The following F8 variants were observed in gnomAD, a reference collection of about 807,000 sequenced individuals.
The protein encoded by F8 is coagulation factor VIII.
F8 carries 12 observed loss-of-function variants against 140.6 expected under a neutral mutation model. The ratio of observed to expected loss-of-function variants is 0.09; its 90% CI spans 0.05 to 0.14. The LOEUF is 0.14. Among genes scored for constraint, F8 ranks in the 10% least tolerant of loss-of-function variants. F8 has a pLI of 1.00. For synonymous variants in F8, 585 were observed against 614.6 expected (o/e 0.95, Z 0.71); for missense variants, 1,354 against 1,720.7 (o/e 0.79, Z 3.77).
intron 13 of F8, among the ~76,000 whole-genome samples, chrX:154,945,944 A>T (rs934785317): frequency 1.8e-5 from 2 of 112,146 alleles, no homozygotes; most frequent in Non-Finnish European, 3.8e-5. Flanking sequence ...TCTATATACC[A>T]AGAGCTAACA....
chrX:154,902,352 C>A (rs2073014706), intron 18 of F8, among the ~76,000 whole-genome samples, 185 bp from the exon 19 acceptor site: 1 of 111,472 alleles, frequency 9.0e-6, no homozygotes, highest in Non-Finnish European at 1.9e-5. Flanking sequence ...AGATTGAGTT[C>A]TGACCACTCC....
chrX:154,972,526 T>C (rs972266861), intron 6 of F8, among the ~76,000 whole-genome samples: 27 of 110,933 alleles, frequency 2.4e-4, no homozygotes, highest in African/African-American at 7.2e-4. Context: ...TCTAGTTTGA[T>C]GTAATCCAAT....
At chrX:154,985,604 C>T (rs782538479) in intron 5 of F8, among the ~76,000 whole-genome samples, 49 of 112,152 alleles carry the variant, frequency 4.4e-4, no homozygotes, top group Non-Finnish European at 7.9e-4. Flanking sequence ...ACTGGAAATA[C>T]TATTGAACAG....
intron 10 of F8, among the ~76,000 whole-genome samples, chrX:154,959,117 T>C (rs1229805789): frequency 1.8e-5 from 2 of 111,861 alleles, no homozygotes; most frequent in African/African-American, 6.5e-5. Flanking sequence ...AAGAAAAAGA[T>C]TTGGTTCCAG....
intron 22 of F8, among the ~76,000 whole-genome samples, chrX:154,878,567 C>T (rs2072836870): frequency 9.1e-6 from 1 of 110,452 alleles, no homozygotes; most frequent in African/African-American, 3.3e-5. Flanking sequence ...ATTTCCCTAA[C>T]ATTAGAAACG....
rs146581224 is a variant in F8 at position 154,966,633 on chromosome X, C to T, written c.1064G>A (p.Arg355Gln). 154 of 1,209,308 alleles carry T rather than the reference C, an allele frequency of 1.3e-4. No individual in the cohort carries two copies. The highest frequency in any genetic ancestry group is 1.6e-4 in the Non-Finnish European group (139 of 894,813). Reference protein sequence around the residue: ...VDSCPEEPQLRMKNNEEAEDY... With the variant: ...VDSCPEEPQLQMKNNEEAEDY... ...TTCCGCTTCTTCATTATTTTTCATT[C>T]GTAGTTGGGGTTCCTCTGGACAGCT... Residue 355 changes from arginine (R) to glutamine (Q), a missense_variant, in exon 8 of 26, where the codon CGA (arginine) becomes CAA (glutamine). This residue lies in a region of F8 where 252 missense variants were observed against 338.5 expected (regional missense o/e 0.74). Transcript: ENST00000360256.
chrX:154,988,074 C>G (rs2073568944), intron 4 of F8, among the ~76,000 whole-genome samples: 1 of 112,003 alleles, frequency 8.9e-6, no homozygotes, highest in Non-Finnish European at 1.9e-5. Flanking sequence ...ATAAAGCTAA[C>G]TGCAGAGTTA....
rs1225973774 is a variant in F8 at position 154,860,101 on chromosome X, G to A, written c.6900+331C>T. The stretch of plus-strand genomic sequence containing the variant: ...GACTTTATGTCATGTCTTTTAATCA[G>A]GACAATTTGTTGAATTATCCAGCAA... On this transcript the variant is annotated intron_variant, in intron 25 of 25. Coordinates refer to ENST00000360256, the MANE Select transcript of F8 (RefSeq NM_000132.4). Among the ~76,000 whole-genome samples, 5 of 111,565 alleles carry A rather than the reference G, an allele frequency of 4.5e-5. No homozygotes were observed. In the Admixed American group the frequency reaches 4.7e-4, roughly 11 times the overall value.
At chrX:154,947,224 G>GAAAA (rs781928603) in intron 13 of F8, among the ~76,000 whole-genome samples, 24 of 17,819 alleles carry the variant, frequency 1.3e-3, no homozygotes, top group East Asian at 5.0e-3. Context: ...GACTCCGTCT[G>GAAAA]AAAAAAAAAA....
chrX:154,963,319 T>C (rs1318450669), intron 9 of F8, among the ~76,000 whole-genome samples: 6 of 112,204 alleles, frequency 5.3e-5, no homozygotes, highest in Admixed American at 1.9e-4. Flanking sequence ...CTTATCAGCT[T>C]AAGGAGATTT....
intron 14 of F8, 82 bp downstream of exon 14, chrX:154,928,489 C>CT (rs782404789): frequency 1.1e-6 from 1 of 874,128 alleles, no homozygotes; most frequent in East Asian, 3.1e-5. Context: ...TTTTCATCCT[C>CT]TAACTCTCAT....
chrX:155,021,112 A>C (rs2073758119), intron 1 of F8, among the ~76,000 whole-genome samples: 1 of 112,279 alleles, frequency 8.9e-6, no homozygotes, highest in Non-Finnish European at 1.9e-5. Context: ...AAAAATAATG[A>C]ATTAAAGCTA....
At chrX:154,942,484 G>C (rs1477950572) in intron 13 of F8, among the ~76,000 whole-genome samples, 2 of 109,794 alleles carry the variant, frequency 1.8e-5, no homozygotes, top group Non-Finnish European at 3.8e-5. Context: ...TTGAATCTCT[G>C]AATAGACCAA....
intron 22 of F8, among the ~76,000 whole-genome samples, chrX:154,869,705 TGAA>T (rs1332135636): frequency 8.1e-5 from 9 of 110,865 alleles, no homozygotes; most frequent in African/African-American, 3.0e-4. Flanking sequence ...AGAGCAGAAC[TGAA>T]GGAGATAGAG....
rs1472065494 is a variant in F8, at chrX:154,845,208, G to C, written c.6901-7456C>G. ...ATTTGGTTTGCCAGTATTTTATTGAGGATTTTTGCATCAATGTTCATCAGG... is the reference window on the plus strand; with the variant it reads ...ATTTGGTTTGCCAGTATTTTATTGACGATTTTTGCATCAATGTTCATCAGG... On this transcript the variant is annotated intron_variant, in intron 25 of 25. Coordinates refer to ENST00000360256, the MANE Select transcript of F8 (RefSeq NM_000132.4). Among the ~76,000 whole-genome samples the C allele has an allele frequency of 1.9e-4, 21 of 111,601 alleles. No homozygotes were observed. In the Admixed American group the frequency reaches 1.9e-3, roughly 10 times the overall value.
At chrX:154,984,304 T>C (rs2073545253) in intron 6 of F8, among the ~76,000 whole-genome samples, 1 of 112,126 alleles carries the variant, frequency 8.9e-6, no homozygotes, top group Non-Finnish European at 1.9e-5. Context: ...TTTATGAAAA[T>C]AGAAGTAAGA....
intron 6 of F8, among the ~76,000 whole-genome samples, chrX:154,972,551 T>C (rs920840029): frequency 9.0e-6 from 1 of 110,963 alleles, no homozygotes; most frequent in Admixed American, 9.6e-5. Context: ...TTATTTTTGC[T>C]TTTGTTACTC....
chrX:154,992,181 G>A (rs189430379), intron 4 of F8, among the ~76,000 whole-genome samples: 102 of 111,470 alleles, frequency 9.2e-4, no homozygotes, highest in African/African-American at 3.1e-3. Flanking sequence ...ACTTAGATAG[G>A]CCACCAAGTC....
At position 154,954,048 on chromosome X, in the gene F8, A is replaced by C. The variant is rs2073351431; in HGVS notation, c.1753-6T>G. On this transcript the variant is annotated splice_polypyrimidine_tract_variant and splice_region_variant and intron_variant, in intron 11 of 25. Transcript: ENST00000360256. Reference sequence around the variant, plus strand: ...TTCCTCTTGTCTGACATTATCTGTTAATTACATATATTGAAAGGGGTAAAG... The same window carrying C: ...TTCCTCTTGTCTGACATTATCTGTTCATTACATATATTGAAAGGGGTAAAG... 6 of 1,207,520 alleles carry C rather than the reference A, an allele frequency of 5.0e-6. No homozygotes were observed. The highest frequency in any genetic ancestry group is 6.7e-6 in the Non-Finnish European group (6 of 892,822).
Sources: allele counts gnomAD v4.1 joint callset (sites outside exome capture counted in the v4.1 genomes callset), GRCh38; gene constraint gnomAD v4.1.1; regional missense constraint gnomAD v4.1.1; transcripts MANE v1.5; gene names NCBI Gene and HGNC (gene_info 2026-07-23, HGNC 2026-07-21).